The following PDSS2 variants were observed in gnomAD, a reference collection of about 807,000 sequenced individuals.
The protein encoded by PDSS2 is decaprenyl diphosphate synthase subunit 2, also known as all trans-polyprenyl-diphosphate synthase PDSS2.
A neutral mutation model predicts 44.5 loss-of-function variants in PDSS2; 31 were observed. The observed-to-expected ratio is 0.70, with a 90% CI of 0.52 to 0.94. PDSS2 has a LOEUF of 0.94. Among genes scored for constraint, PDSS2 ranks in the 40% least tolerant of loss-of-function variants. The pLI is 0.00. For missense variants in PDSS2, 452 were observed against 482.2 expected (o/e 0.94, Z 0.59); for synonymous variants, 157 against 180.3 (o/e 0.87, Z 1.03).
At chr6:107,154,849 AGG>A in intron 7 of PDSS2, 72 bp from the exon 8 acceptor site, 13 of 1,331,672 alleles carry the variant, frequency 9.8e-6, no homozygotes, top group Non-Finnish European at 1.4e-5. Flanking sequence ...TAAATTGGGG[AGG>A]GGAGATGGAA....
chr6:107,311,819 T>C (rs554314845), intron 2 of PDSS2, among the ~76,000 whole-genome samples: 5 of 152,332 alleles, frequency 3.3e-5, no homozygotes, highest in African/African-American at 1.2e-4. Context: ...ATTGACCTTT[T>C]AGGATTGTTT....
At chr6:107,216,964 A>AAGAAGTT (rs1365695234) in intron 4 of PDSS2, among the ~76,000 whole-genome samples, 2 of 152,224 alleles carry the variant, frequency 1.3e-5, no homozygotes, top group Non-Finnish European at 2.9e-5. Context: ...ATATTTTAGG[A>AAGAAGTT]AGAAGTTGAA....
chr6:107,187,503 A>G (rs1772210479), intron 7 of PDSS2, among the ~76,000 whole-genome samples: 1 of 152,088 alleles, frequency 6.6e-6, no homozygotes, highest in Non-Finnish European at 1.5e-5. Context: ...CATCTCTACT[A>G]AAAATACAAA....
In PDSS2 at chr6:107,351,845, A is replaced by G. The variant is rs1320428358; in HGVS notation, c.297-17513T>C. Among the ~76,000 whole-genome samples, 6 of 152,206 alleles carry G rather than the reference A, an allele frequency of 3.9e-5. No individual in the cohort carries two copies. In the East Asian group the frequency reaches 1.2e-3, roughly 29 times the overall value. On this transcript the variant is annotated intron_variant, in intron 1 of 7. Coordinates refer to ENST00000369037, the MANE Select transcript of PDSS2 (RefSeq NM_020381.4). The stretch of plus-strand genomic sequence containing the variant: ...AACTAATCATATAGTGAGATCCAGT[A>G]ATTTCCTACCAAATAGCATTAACAC...
chr6:107,256,429 G>C (rs1280432309), intron 3 of PDSS2, among the ~76,000 whole-genome samples: 1 of 152,042 alleles, frequency 6.6e-6, no homozygotes, highest in Non-Finnish European at 1.5e-5. Context: ...ATGTCTTTTG[G>C]GTAACACAGT....
chr6:107,374,131 G>A (rs565337729), intron 1 of PDSS2, among the ~76,000 whole-genome samples: 27 of 151,988 alleles, frequency 1.8e-4, no homozygotes, highest in Admixed American at 5.9e-4. Context: ...GCGCCCGCCT[G>A]TAATCCCAGC....
rs543796189 is a variant in PDSS2 at position 107,402,100 on chromosome 6, GA to G, written c.296+56889del. Among the ~76,000 whole-genome samples the G allele has an allele frequency of 1.6e-4, 25 of 152,170 alleles. No individual in the cohort carries two copies. In the South Asian group the frequency reaches 5.2e-3, roughly 32 times the overall value. ...TCGAGACCAGTCTGGTCAACATGAT[GA>G]AACCCCATCTCTACTAAAAATACAA... On this transcript the variant is annotated intron_variant, in intron 1 of 7. Coordinates refer to ENST00000369037, the MANE Select transcript of PDSS2 (RefSeq NM_020381.4).
chr6:107,421,991 T>C (rs1479870987), intron 1 of PDSS2, among the ~76,000 whole-genome samples: 1 of 151,424 alleles, frequency 6.6e-6, no homozygotes, highest in Non-Finnish European at 1.5e-5. Context: ...AGGACCTCTC[T>C]GTACAATTTT....
chr6:107,432,743 G>A (rs566264942), intron 1 of PDSS2, among the ~76,000 whole-genome samples: 1 of 151,330 alleles, frequency 6.6e-6, no homozygotes, highest in East Asian at 1.9e-4. Flanking sequence ...GGGCGACTGA[G>A]GGAGACACTG....
In PDSS2 at chr6:107,183,802, G is replaced by A. The variant is rs371537258; in HGVS notation, c.1041+10020C>T. Among the ~76,000 whole-genome samples, 17 of 152,284 alleles carry A rather than the reference G, an allele frequency of 1.1e-4. No homozygotes were observed. In the East Asian group the frequency reaches 2.5e-3, roughly 22 times the overall value. Reference sequence around the variant, plus strand: ...CGCAGCTACTTGGGAGGCTGAGGCAGGAGAATTGCTTGAACCCGGGAAGTG... The same window carrying A: ...CGCAGCTACTTGGGAGGCTGAGGCAAGAGAATTGCTTGAACCCGGGAAGTG... On this transcript the variant is annotated intron_variant, in intron 7 of 7. Transcript: ENST00000369037.
chr6:107,244,708 C>T (rs1354583418), intron 4 of PDSS2, among the ~76,000 whole-genome samples: 2 of 152,180 alleles, frequency 1.3e-5, no homozygotes, highest in South Asian at 2.1e-4. Flanking sequence ...TGTTTCACTT[C>T]TAATAAAATT....
At chr6:107,344,324 G>T (rs1390219773) in intron 1 of PDSS2, among the ~76,000 whole-genome samples, 1 of 152,160 alleles carries the variant, frequency 6.6e-6, no homozygotes, top group African/African-American at 2.4e-5. Flanking sequence ...GCATGTCACA[G>T]ATTTTTATAT....
At chr6:107,411,271 G>GT (rs1554278121) in intron 1 of PDSS2, among the ~76,000 whole-genome samples, 1 of 152,184 alleles carries the variant, frequency 6.6e-6, no homozygotes, top group Non-Finnish European at 1.5e-5. Context: ...AGACAATCTT[G>GT]TAAGTGAGGT....
intron 2 of PDSS2, among the ~76,000 whole-genome samples, chr6:107,310,506 G>A (rs1011878063): frequency 3.9e-5 from 6 of 152,250 alleles, no homozygotes; most frequent in Admixed American, 3.9e-4. Context: ...TTAGTTCACT[G>A]TGAATTTCTG....
chr6:107,331,754 AACTT>A (rs1777717940), intron 2 of PDSS2, among the ~76,000 whole-genome samples: 1 of 152,314 alleles, frequency 6.6e-6, no homozygotes, highest in East Asian at 1.9e-4. Context: ...AAATAGGAAT[AACTT>A]ACTTATGTAA....
At chr6:107,329,833 C>T (rs1025279066) in intron 2 of PDSS2, among the ~76,000 whole-genome samples, 3 of 151,700 alleles carry the variant, frequency 2.0e-5, no homozygotes, top group Non-Finnish European at 2.9e-5. Flanking sequence ...TTCTATACCC[C>T]ACGTCTTTGT....
intron 1 of PDSS2, among the ~76,000 whole-genome samples, chr6:107,407,770 G>A (rs1562520182): frequency 6.6e-6 from 1 of 152,112 alleles, no homozygotes; most frequent in Non-Finnish European, 1.5e-5. Context: ...CACGGTCTTG[G>A]CTCACTGCAA....
At chr6:107,396,333 G>T (rs955033767) in intron 1 of PDSS2, among the ~76,000 whole-genome samples, 7 of 152,200 alleles carry the variant, frequency 4.6e-5, no homozygotes, top group African/African-American at 1.7e-4. Context: ...CACAGGCGCT[G>T]TTTGAATTTC....
chr6:107,433,948 T>C (rs1454725321), intron 1 of PDSS2, among the ~76,000 whole-genome samples: 1 of 152,026 alleles, frequency 6.6e-6, no homozygotes, highest in Non-Finnish European at 1.5e-5. Flanking sequence ...AATAATTTGA[T>C]CTTAAAGTGG....
Sources: gnomAD v4.1 joint callset for allele counts (sites outside exome capture counted in the v4.1 genomes callset) on GRCh38, gnomAD v4.1.1 for gene constraint, MANE v1.5 for transcripts, NCBI Gene and HGNC (gene_info 2026-07-23, HGNC 2026-07-21) for gene names.